The following MYH7B variants were observed in gnomAD, a reference collection of about 807,000 sequenced individuals.
MYH7B encodes myosin heavy chain 7B.
Under a neutral mutation model 234.5 loss-of-function variants are expected in MYH7B, and 205 were observed. That is an observed-to-expected ratio of 0.87 (90% CI 0.78 to 0.98). MYH7B has a LOEUF of 0.98. MYH7B is among the 50% of genes least tolerant of loss of function. MYH7B has a pLI of 0.00. For synonymous variants in MYH7B, 1,193 were observed against 1,105.0 expected (o/e 1.08, Z -1.58); for missense variants, 2,652 against 2,633.4 (o/e 1.01, Z -0.15).
intron 2 of MYH7B, among the ~76,000 whole-genome samples, chr20:34,969,842 G>A (rs1364251201): frequency 6.6e-6 from 1 of 151,854 alleles, no homozygotes; most frequent in Admixed American, 6.6e-5. Flanking sequence ...ACCGTACCCG[G>A]CCACAACTTT....
chr20:34,995,477 C>T (rs2147225380), exon 28 of MYH7B: 6 of 1,614,104 alleles, frequency 3.7e-6, no homozygotes, highest in Non-Finnish European at 5.1e-6. Context: ...CGCCCGCCGG[C>T]GCAAGCTGGA....
intron 24 of MYH7B, 84 bp from the exon 25 acceptor site, chr20:34,993,018 T>G: frequency 6.6e-7 from 1 of 1,520,260 alleles, no homozygotes; most frequent in Non-Finnish European, 8.9e-7. Flanking sequence ...CACACGAGCC[T>G]CCTCAGTCCC....
Position 35,000,966 on chromosome 20 carries a change from ACCAGCTCCT to A in MYH7B, c.5305-19_5305-11del. 6.2e-7 allele frequency: 1 copy of A among 1,613,368 alleles called. No individual in the cohort carries two copies. Among genetic ancestry groups the A allele is most frequent in the Non-Finnish European group, 8.5e-7 (1 of 1,179,728 alleles). ...GGACTTCCCTGAGGCTGGGCACCTG[ACCAGCTCCT>A]CCTCCCCAACAGGCGGCCATGATGG... On this transcript the variant is annotated splice_polypyrimidine_tract_variant and intron_variant, in intron 40 of 44. Transcript: ENST00000262873.
exon 28 of MYH7B, chr20:34,995,375 T>C (rs756345629): frequency 6.2e-7 from 1 of 1,613,952 alleles, no homozygotes; most frequent in East Asian, 2.2e-5. Flanking sequence ...GCGCTGCCAC[T>C]TGCTGATCAA....
intron 38 of MYH7B, 148 bp from the exon 39 acceptor site, chr20:35,000,145 T>C (rs928816839): frequency 3.7e-6 from 4 of 1,071,436 alleles, no homozygotes; most frequent in Non-Finnish European, 5.4e-6. Flanking sequence ...CTTGCTCTGA[T>C]GGGCCACAGG....
intron 22 of MYH7B, 199 bp downstream of exon 22, chr20:34,990,509 G>A (rs1202459304): frequency 1.2e-6 from 1 of 864,446 alleles, no homozygotes; most frequent in Non-Finnish European, 2.0e-6. Context: ...TGTGGGGAAG[G>A]GGTGGGAGCC....
chr20:35,000,035 T>A, intron 38 of MYH7B, 129 bp downstream of exon 38: 1 of 986,024 alleles, frequency 1.0e-6, no homozygotes, highest in Non-Finnish European at 1.5e-6. Flanking sequence ...ATTCTAGCTG[T>A]GAACCTCGGA....
rs780174991 is a variant in MYH7B at position 34,979,398 on chromosome 20, C to T, written c.100C>T (p.Arg34Ter). ...CTCTCTCTGCAACCCAGGGAAGAAG[C>T]GAGTCTGGGTGCCTGATGAACAGGA... Residue 34 changes from arginine to a stop codon, truncating the protein, a stop_gained, in exon 6 of 45, where the codon CGA becomes TGA. Coordinates refer to ENST00000262873, the Ensembl canonical transcript of MYH7B. LOFTEE classifies it high-confidence loss of function. 32 of 1,612,374 alleles carry T rather than the reference C, an allele frequency of 2.0e-5. No individual in the cohort carries two copies. Among genetic ancestry groups the T allele is most frequent in the Non-Finnish European group, 2.4e-5 (28 of 1,179,140 alleles).
chr20:34,977,121 C>T (rs1401716575), intron 3 of MYH7B, among the ~76,000 whole-genome samples: 1 of 143,462 alleles, frequency 7.0e-6, no homozygotes, highest in African/African-American at 2.5e-5. Context: ...CTCTCTCCTT[C>T]TCTTTTTGAT....
intron 4 of MYH7B, 108 bp downstream of exon 4, chr20:34,977,788 A>G: frequency 6.6e-7 from 1 of 1,508,320 alleles, no homozygotes. Context: ...GAGTGGAGGA[A>G]GCCCTGGTGT....
exon 42 of MYH7B, chr20:35,001,312 G>C (rs202196308): frequency 6.2e-7 from 1 of 1,611,948 alleles, no homozygotes; most frequent in South Asian, 1.1e-5. Context: ...AAGGGCGTGC[G>C]CAAGCATGAG....
At chr20:34,960,324 C>T (rs2081682418) in intron 2 of MYH7B, among the ~76,000 whole-genome samples, 1 of 152,172 alleles carries the variant, frequency 6.6e-6, no homozygotes, top group Non-Finnish European at 1.5e-5. Context: ...CAAGCTCCGC[C>T]TCCCGTGTTC....
exon 14 of MYH7B, chr20:34,986,111 A>G (rs1311275969): frequency 6.3e-7 from 1 of 1,584,890 alleles, no homozygotes; most frequent in South Asian, 1.1e-5. Context: ...TCTCCTGGAG[A>G]AGTCGCGGGT....
chr20:34,986,950 G>A (rs2082037143), exon 15 of MYH7B: 1 of 1,614,078 alleles, frequency 6.2e-7, no homozygotes, highest in Non-Finnish European at 8.5e-7. Context: ...TCATCACCGT[G>A]GACAACATGA....
intron 2 of MYH7B, among the ~76,000 whole-genome samples, chr20:34,960,576 A>G (rs978082309): frequency 1.3e-4 from 20 of 152,192 alleles, no homozygotes; most frequent in African/African-American, 4.8e-4. Flanking sequence ...TGTCAGCCCC[A>G]GGGTCTGCAT....
intron 8 of MYH7B, 138 bp downstream of exon 8, chr20:34,980,872 C>A: frequency 6.7e-7 from 1 of 1,488,948 alleles, no homozygotes; most frequent in Non-Finnish European, 9.2e-7. Flanking sequence ...CGTTCTGTCC[C>A]TCCGCATGGG....
chr20:34,990,383 C>CCCCT, intron 22 of MYH7B, 73 bp downstream of exon 22: 1 of 1,532,942 alleles, frequency 6.5e-7, no homozygotes, highest in Non-Finnish European at 9.0e-7. Context: ...CCTGCCCTGT[C>CCCCT]CCCTGTGCCT....
Position 34,985,275 on chromosome 20 carries a change from T to C in MYH7B, c.805+146T>C, listed in dbSNP as rs2082000543. 9 of 698,720 alleles carry C rather than the reference T, an allele frequency of 1.3e-5. No homozygotes were observed. The South Asian group carries it at 1.5e-4, about 12-fold the overall frequency. 43.3% of individuals were successfully genotyped at this position (698,720 alleles called of 1,614,324 possible). On this transcript the variant is annotated intron_variant, in intron 13 of 44. Transcript: ENST00000262873. ...TGGCTGCTGCCCAGCTCAGGCCACC[T>C]CACCTATCACCAGAACATCACCCCA... is the stretch of plus-strand genomic sequence containing the variant.
At chr20:34,974,305 A>G (rs902526076) in intron 2 of MYH7B, among the ~76,000 whole-genome samples, 3 of 151,312 alleles carry the variant, frequency 2.0e-5, no homozygotes, top group African/African-American at 7.3e-5. Flanking sequence ...CATGAGCTCA[A>G]ATGATCCACC....
Sources: gnomAD v4.1 joint callset for allele counts (sites outside exome capture counted in the v4.1 genomes callset) on GRCh38, gnomAD v4.1.1 for gene constraint, MANE v1.5 for transcripts, NCBI Gene and HGNC (gene_info 2026-07-23, HGNC 2026-07-21) for gene names.